RCN3: variants seen among roughly 807,000 people sequenced by gnomAD.
RCN3 encodes reticulocalbin-3.
A neutral mutation model predicts 35.9 loss-of-function variants in RCN3; 41 were observed. The observed-to-expected ratio is 1.14, with a 90% CI of 0.89 to 1.48. RCN3 has a LOEUF of 1.48. Among genes scored for constraint, RCN3 ranks in the 40% most tolerant of loss-of-function variants. The probability of loss-of-function intolerance (pLI) is 0.00; values close to 1 mark genes in which losing one functional copy is unlikely to be tolerated. For synonymous variants in RCN3, 187 were observed against 193.4 expected (o/e 0.97, Z 0.27); for missense variants, 451 against 471.3 (o/e 0.96, Z 0.40).
intron 5 of RCN3, among the ~76,000 whole-genome samples, chr19:49,541,379 G>T (rs553864187): frequency 2.4e-4 from 36 of 152,220 alleles, no homozygotes; most frequent in African/African-American, 8.7e-4. Context: ...GAAGAGGCAG[G>T]GCTAGGATTT....
chr19:49,540,202 G>A (rs1210146686), intron 5 of RCN3, among the ~76,000 whole-genome samples: 2 of 151,688 alleles, frequency 1.3e-5, no homozygotes, highest in Non-Finnish European at 2.9e-5. Flanking sequence ...ATAGAGATGG[G>A]TTCTCACTAT....
At chr19:49,537,311 G>A (rs1267162471) in intron 4 of RCN3, 106 bp downstream of exon 4, 1 of 1,163,888 alleles carries the variant, frequency 8.6e-7, no homozygotes, top group African/African-American at 1.6e-5. Flanking sequence ...CAGTCACCTG[G>A]TTCTCCAGCA....
chr19:49,533,854 G>A (rs1261983252), intron 2 of RCN3, among the ~76,000 whole-genome samples: 2 of 152,184 alleles, frequency 1.3e-5, no homozygotes, highest in African/African-American at 2.4e-5. Flanking sequence ...ACCCCAGCTC[G>A]GCCCAGCGAG....
At chr19:49,537,592 C>T (rs1012650710) in intron 4 of RCN3, among the ~76,000 whole-genome samples, 2 of 151,326 alleles carry the variant, frequency 1.3e-5, no homozygotes, top group African/African-American at 2.4e-5. Flanking sequence ...CTGCAACCTC[C>T]GCCTCCCGGG....
At chr19:49,531,825 C>G (rs911625726) in intron 2 of RCN3, among the ~76,000 whole-genome samples, 3 of 152,164 alleles carry the variant, frequency 2.0e-5, no homozygotes, top group Non-Finnish European at 4.4e-5. Flanking sequence ...TTTTGAGACG[C>G]AGTCTCGCTC....
chr19:49,537,032 G>A lies in RCN3; in HGVS notation c.446-1G>A. The A allele has an allele frequency of 1.3e-6, 2 of 1,530,162 alleles. No individual in the cohort carries two copies. Among genetic ancestry groups the A allele is most frequent in the Non-Finnish European group, 8.8e-7 (1 of 1,134,002 alleles). The allele number at this position is 1,530,162 out of a possible 1,614,324, so 94.8% of individuals were successfully genotyped here. On this transcript the variant is annotated splice_acceptor_variant, in intron 3 of 6. Transcript: ENST00000270645. LOFTEE classifies it high-confidence loss of function. ...TCTCACTGAGACCTGTCCTTCCCCA[G>A]GTGAAGAATTTCATGACGTGGAGGA...
chr19:49,532,326 C>T (rs1205954981), intron 2 of RCN3, among the ~76,000 whole-genome samples: 2 of 150,464 alleles, frequency 1.3e-5, no homozygotes, highest in East Asian at 2.0e-4. Flanking sequence ...AGGATGGTCT[C>T]GATCTCCTGA....
chr19:49,528,511 A>G lies in RCN3; in HGVS notation c.39A>G (p.Leu13=). 1 of 1,541,598 alleles carries G rather than the reference A, an allele frequency of 6.5e-7. No individual in the cohort carries two copies. The highest frequency in any genetic ancestry group is 8.7e-7 in the Non-Finnish European group (1 of 1,145,530). The part of the protein sequence containing the change: ...WRPSVLLLLL[L]LRHGAQGKPS... ...CATCAGTTCTGCTGCTTCTGTTGCT[A>G]CTGAGGCACGGGGCCCAGGGGAAGC... Residue 13 remains leucine, a synonymous_variant, in exon 2 of 7, where the codon CTA becomes CTG. Coordinates refer to ENST00000270645, the MANE Select transcript of RCN3 (RefSeq NM_020650.3).
intron 5 of RCN3, among the ~76,000 whole-genome samples, chr19:49,540,574 C>T (rs768186412): frequency 2.0e-5 from 3 of 151,406 alleles, no homozygotes; most frequent in Non-Finnish European, 4.4e-5. Flanking sequence ...GAGCTGTAAT[C>T]GCGCCATTGC....
At chr19:49,529,218 G>T (rs1193961246) in intron 2 of RCN3, among the ~76,000 whole-genome samples, 1 of 151,990 alleles carries the variant, frequency 6.6e-6, no homozygotes, top group Non-Finnish European at 1.5e-5. Flanking sequence ...GACCTTTGAG[G>T]GCAGCAAAAT....
At chr19:49,538,977 T>G in intron 4 of RCN3, 142 bp from the exon 5 acceptor site, 1 of 570,150 alleles carries the variant, frequency 1.8e-6, no homozygotes, top group Non-Finnish European at 3.1e-6. Context: ...ATGCCACCTG[T>G]TGAGACTGCT....
In RCN3 at chr19:49,543,111, G is replaced by A; in HGVS notation, c.885G>A (p.Gly295=). The change falls in exon 7 of 7, where the codon GGG becomes GGA. Residue 295 remains glycine, a synonymous_variant. Coordinates refer to ENST00000270645, the MANE Select transcript of RCN3 (RefSeq NM_020650.3). ...AACCCTGACCCTCCCTCCAGGATGG[G>A]CGGCTGAGCAAAGCGGAAATCCTGG... ...LLHESDTDKD[G]RLSKAEILGN... The A allele has an allele frequency of 6.2e-7, 1 of 1,614,028 alleles. No individual in the cohort carries two copies. The highest frequency in any genetic ancestry group is 8.5e-7 in the Non-Finnish European group (1 of 1,179,922).
At chr19:49,528,754 G>T (rs1196464225) in intron 2 of RCN3, 40 bp downstream of exon 2, 1 of 1,491,536 alleles carries the variant, frequency 6.7e-7, no homozygotes, top group Non-Finnish European at 9.0e-7. Context: ...CAGAGGTGGG[G>T]CTTAGGAGAG....
At chr19:49,541,340 G>A (rs1283461166) in intron 5 of RCN3, among the ~76,000 whole-genome samples, 3 of 152,152 alleles carry the variant, frequency 2.0e-5, no homozygotes, top group Non-Finnish European at 4.4e-5. Flanking sequence ...AGGCCCAGGG[G>A]GGTTGAAGGG....
In RCN3 at chr19:49,533,900, G is replaced by C. The variant is rs560805611; in HGVS notation, c.243-293G>C. On this transcript the variant is annotated intron_variant, in intron 2 of 6. Transcript: ENST00000270645. Reference sequence around the variant, plus strand: ...CGTGCAGGCCGAGGGCGGGGCCGGCGCGGAGAGGGTGGCCCTGCATCGTAG... The same window carrying C: ...CGTGCAGGCCGAGGGCGGGGCCGGCCCGGAGAGGGTGGCCCTGCATCGTAG... 1.6e-3 allele frequency among the ~76,000 whole-genome samples: 251 copies of C among 152,258 alleles called. 2 individuals are homozygous for C. The South Asian group carries it at 0.019, about 12-fold the overall frequency.
Position 49,539,162 on chromosome 19 carries a change from A to G in RCN3, c.662A>G (p.Gln221Arg). 6.2e-7 allele frequency: 1 copy of G among 1,610,976 alleles called. No individual in the cohort carries two copies. Among genetic ancestry groups the G allele is most frequent in the Non-Finnish European group, 8.5e-7 (1 of 1,178,966 alleles). ...DLDRNKDGYV[Q>R]VEEYIADLYS... ...GACAGAAACAAAGATGGCTATGTCC[A>G]GGTGGAGGAGTACATCGGTGAGTGG... Residue 221 changes from glutamine to arginine, a missense_variant, in exon 5 of 7, where the codon CAG (glutamine) becomes CGG (arginine). Coordinates refer to ENST00000270645, the MANE Select transcript of RCN3 (RefSeq NM_020650.3).
chr19:49,534,044 A>G (rs2080121849), intron 2 of RCN3, 149 bp from the exon 3 acceptor site: 3 of 813,928 alleles, frequency 3.7e-6, no homozygotes, highest in Admixed American at 7.4e-5. Flanking sequence ...TGGTCCCGAA[A>G]TTGACCCGCG....
chr19:49,533,558 A>C (rs1288381175), intron 2 of RCN3, among the ~76,000 whole-genome samples: 2 of 152,164 alleles, frequency 1.3e-5, no homozygotes, highest in East Asian at 3.9e-4. Context: ...GGAGGGGCAG[A>C]GGGAGACTGA....
intron 5 of RCN3, among the ~76,000 whole-genome samples, chr19:49,542,290 C>T (rs116833724): frequency 0.02 from 3,028 of 152,330 alleles, 113 homozygotes; most frequent in African/African-American, 0.069. Context: ...CCATTGCACA[C>T]ACTACTTCAC....
Sources: allele counts gnomAD v4.1 joint callset (sites outside exome capture counted in the v4.1 genomes callset), GRCh38; gene constraint gnomAD v4.1.1; transcripts MANE v1.5; gene names NCBI Gene and HGNC (gene_info 2026-07-23, HGNC 2026-07-21).